FAM171A1: variants seen among roughly 807,000 people sequenced by gnomAD.
FAM171A1 encodes family with sequence similarity 171 member A1.
A neutral mutation model predicts 74.9 loss-of-function variants in FAM171A1; 23 were observed. The ratio of observed to expected loss-of-function variants is 0.31; its 90% CI spans 0.22 to 0.44. The LOEUF (loss-of-function observed/expected upper bound fraction) is 0.44, where lower values mean the gene tolerates loss of function less well. Among genes scored for constraint, FAM171A1 ranks in the 20% least tolerant of loss-of-function variants. The pLI is 1.00. For synonymous variants in FAM171A1, 527 were observed against 505.7 expected (o/e 1.04, Z -0.57); for missense variants, 1,162 against 1,159.2 (o/e 1.00, Z -0.03).
At chr10:15,289,403 G>A (rs1835077457) in intron 1 of FAM171A1, among the ~76,000 whole-genome samples, 1 of 152,126 alleles carries the variant, frequency 6.6e-6, no homozygotes, top group African/African-American at 2.4e-5. Context: ...ACAAAACCCA[G>A]ACTGGGACAT....
rs146244207 is a variant in FAM171A1, at chr10:15,293,609, A to G, written c.98-9504T>C. 1.8e-3 allele frequency among the ~76,000 whole-genome samples: 271 copies of G among 152,314 alleles called. 8 individuals carry two copies. The East Asian group carries it at 0.042, about 24-fold the overall frequency. ...TTAATCTGATTTGGAGTTTCCATGCAAAAACAGAATCAAAGATGCAAACAA... is the reference window on the plus strand; with the variant it reads ...TTAATCTGATTTGGAGTTTCCATGCGAAAACAGAATCAAAGATGCAAACAA... On this transcript the variant is annotated intron_variant, in intron 1 of 7. Coordinates refer to ENST00000378116, the MANE Select transcript of FAM171A1 (RefSeq NM_001010924.2).
chr10:15,270,624 C>A (rs1253909228), intron 3 of FAM171A1, among the ~76,000 whole-genome samples: 1 of 152,186 alleles, frequency 6.6e-6, no homozygotes, highest in Admixed American at 6.5e-5. Flanking sequence ...GGAGACACCT[C>A]CCAGTAGGGG....
At chr10:15,307,517 G>C (rs763591159) in intron 1 of FAM171A1, among the ~76,000 whole-genome samples, 2 of 151,856 alleles carry the variant, frequency 1.3e-5, no homozygotes, top group African/African-American at 2.4e-5. Context: ...ATGGTGGCAG[G>C]CTTCTGTAAT....
At chr10:15,316,683 A>C (rs977453584) in intron 1 of FAM171A1, among the ~76,000 whole-genome samples, 5 of 152,168 alleles carry the variant, frequency 3.3e-5, no homozygotes, top group Admixed American at 1.3e-4. Flanking sequence ...CCAGGTTCTT[A>C]CCTGACTGGC....
At chr10:15,372,663 C>A (rs1413200438), upstream of FAM171A1, among the ~76,000 whole-genome samples, 1 of 138,302 alleles carries the variant, frequency 7.2e-6, no homozygotes, top group African/African-American at 2.7e-5. Flanking sequence ...CGTGCCACTG[C>A]ACTCCAGCCT....
chr10:15,343,359 C>T (rs927558684), intron 1 of FAM171A1, among the ~76,000 whole-genome samples: 1 of 152,158 alleles, frequency 6.6e-6, no homozygotes, highest in Non-Finnish European at 1.5e-5. Flanking sequence ...AGTGGCAGTT[C>T]TGGCCCTAAG....
intron 1 of FAM171A1, among the ~76,000 whole-genome samples, chr10:15,306,972 T>C (rs1028872179): frequency 6.6e-6 from 1 of 152,298 alleles, no homozygotes; most frequent in African/African-American, 2.4e-5. Flanking sequence ...TCAGTGATTC[T>C]GAAGACACGG....
intron 1 of FAM171A1, among the ~76,000 whole-genome samples, chr10:15,362,915 G>A (rs1053048736): frequency 3.3e-5 from 5 of 152,066 alleles, no homozygotes; most frequent in Non-Finnish European, 5.9e-5. Flanking sequence ...TAAACTTTCC[G>A]AGGTGAGAAT....
rs1378100273 is a variant in FAM171A1 at position 15,213,951 on chromosome 10, T to A, written c.1637A>T (p.Asp546Val). The stretch of plus-strand genomic sequence containing the variant: ...GAAGGACGTAGGTCTCTCGAGGTGA[T>A]CTACTGATCGCGACATCATACATTC... ...PTECMMSRSV[D>V]HLERPTSFPR... The change falls in exon 8 of 8, where the codon GAT becomes GTT. Residue 546 changes from aspartate (D) to valine (V), a missense_variant. Transcript: ENST00000378116. This position sits in a 1 kb window ranked among gnomAD's most constrained non-coding sequence, Gnocchi z 6.8. The A allele has an allele frequency of 6.2e-7, 1 of 1,614,154 alleles. No individual in the cohort carries two copies. The highest frequency in any genetic ancestry group is 8.5e-7 in the Non-Finnish European group (1 of 1,180,026).
chr10:15,234,121 G>C (rs771986835), intron 5 of FAM171A1, among the ~76,000 whole-genome samples: 4 of 151,814 alleles, frequency 2.6e-5, no homozygotes, highest in African/African-American at 9.7e-5. Flanking sequence ...AGTTTCAGGC[G>C]TGATGAAGGC....
chr10:15,262,920 G>A (rs1473807663), intron 3 of FAM171A1, among the ~76,000 whole-genome samples: 3 of 152,204 alleles, frequency 2.0e-5, no homozygotes, highest in Non-Finnish European at 2.9e-5. Context: ...TCGGGAAGGC[G>A]TGCTTCCCTG....
At chr10:15,254,919 G>T (rs1296293982) in intron 3 of FAM171A1, 40 bp from the exon 4 acceptor site, 2 of 1,587,020 alleles carry the variant, frequency 1.3e-6, no homozygotes, top group Admixed American at 3.5e-5. Context: ...CCCAGGAGCA[G>T]TTTCTGTTTT....
intron 1 of FAM171A1, among the ~76,000 whole-genome samples, chr10:15,323,538 C>T (rs1835513638): frequency 6.6e-6 from 1 of 152,106 alleles, no homozygotes. Flanking sequence ...ATCATACGAT[C>T]AGTACGTTCT....
chr10:15,370,874 C>CCCGCCGCCG (rs564269771), intron 1 of FAM171A1, 82 bp downstream of exon 1: 215 of 656,462 alleles, frequency 3.3e-4, no homozygotes, highest in African/African-American at 2.1e-3. Context: ...CCGGGACCCT[C>CCCGCCGCCG]CCGCCGCCGC....
intron 1 of FAM171A1, among the ~76,000 whole-genome samples, chr10:15,364,654 TC>T (rs1186437987): frequency 6.6e-6 from 1 of 152,018 alleles, no homozygotes; most frequent in Non-Finnish European, 1.5e-5. Context: ...AGGTCGGAAG[TC>T]CAAAATCAGT....
chr10:15,221,429 G>A (rs748874215), intron 5 of FAM171A1, among the ~76,000 whole-genome samples: 3 of 152,162 alleles, frequency 2.0e-5, no homozygotes, highest in Non-Finnish European at 2.9e-5. Context: ...GGGGAAATCC[G>A]GCTCTATTCA....
At position 15,301,360 on chromosome 10, in the gene FAM171A1, A is replaced by AT. The variant is rs201237307; in HGVS notation, c.98-17256dup. Among the ~76,000 whole-genome samples the AT allele has an allele frequency of 6.1e-3, 841 of 138,032 alleles. 2 individuals are homozygous for AT. Among genetic ancestry groups the AT allele is most frequent in the Admixed American group, 9.2e-3 (127 of 13,822 alleles). 90.6% of individuals were successfully genotyped at this position (138,032 alleles called of 152,430 possible). A position where few individuals can be genotyped will look rare whatever the true frequency, so the allele number is the denominator to read the frequency against. ...CACGCCCAGCTATATATATATATAT[A>AT]TATTTTTTTTTTTTGTATTTTTAGT... On this transcript the variant is annotated intron_variant, in intron 1 of 7. Transcript: ENST00000378116.
At chr10:15,279,280 T>C (rs75361779) in intron 2 of FAM171A1, among the ~76,000 whole-genome samples, 37,337 of 152,104 alleles carry the variant, frequency 0.25, 4,759 homozygotes, top group Middle Eastern at 0.29. Flanking sequence ...GAGAGAAAAA[T>C]GATTCCTTGT....
intron 7 of FAM171A1, among the ~76,000 whole-genome samples, 157 bp from the exon 8 acceptor site, chr10:15,214,758 CTT>C (rs1206537948): frequency 1.9e-4 from 27 of 140,336 alleles, no homozygotes; most frequent in Non-Finnish European, 1.6e-4. Context: ...CACGCCCTGT[CTT>C]TTTTTTTTTT....
Sources: allele counts gnomAD v4.1 joint callset (sites outside exome capture counted in the v4.1 genomes callset), GRCh38; gene constraint gnomAD v4.1.1; non-coding constraint Gnocchi (gnomAD v3.1); transcripts MANE v1.5; gene names NCBI Gene and HGNC (gene_info 2026-07-23, HGNC 2026-07-21).